The following PAPSS1 variants were observed in gnomAD, a reference collection of about 807,000 sequenced individuals.
The protein encoded by PAPSS1 is bifunctional 3'-phosphoadenosine 5'-phosphosulfate synthase 1.
A neutral mutation model predicts 72.0 loss-of-function variants in PAPSS1; 50 were observed. The observed-to-expected ratio is 0.69, with a 90% CI of 0.55 to 0.88. PAPSS1 has a LOEUF of 0.88. Among genes scored for constraint, PAPSS1 ranks in the 40% least tolerant of loss-of-function variants. The probability of loss-of-function intolerance (pLI) is 0.00; values close to 1 mark genes in which losing one functional copy is unlikely to be tolerated. For missense variants in PAPSS1, 657 were observed against 782.2 expected (o/e 0.84, Z 1.91); for synonymous variants, 261 against 263.6 (o/e 0.99, Z 0.09).
At chr4:107,627,283 T>C (rs1471434969) in intron 11 of PAPSS1, among the ~76,000 whole-genome samples, 2 of 152,222 alleles carry the variant, frequency 1.3e-5, no homozygotes, top group Admixed American at 6.5e-5. Flanking sequence ...TTTAAGCATT[T>C]AGCCATTAGC....
intron 1 of PAPSS1, among the ~76,000 whole-genome samples, chr4:107,708,120 A>G (rs1723387869): frequency 6.6e-6 from 1 of 152,212 alleles, no homozygotes; most frequent in Non-Finnish European, 1.5e-5. Context: ...TATTTACACA[A>G]TAATTATTAA....
At chr4:107,687,469 C>T (rs1293905812) in intron 3 of PAPSS1, among the ~76,000 whole-genome samples, 1 of 152,170 alleles carries the variant, frequency 6.6e-6, no homozygotes, top group African/African-American at 2.4e-5. Flanking sequence ...GATCCTGAGC[C>T]AAAGCCCAGC....
chr4:107,713,241 G>C (rs1723542663), intron 1 of PAPSS1, among the ~76,000 whole-genome samples: 2 of 152,102 alleles, frequency 1.3e-5, no homozygotes. Flanking sequence ...AAAAGCCATA[G>C]ATTATATAAT....
At chr4:107,682,441 C>T (rs1722653329) in intron 4 of PAPSS1, among the ~76,000 whole-genome samples, 1 of 152,104 alleles carries the variant, frequency 6.6e-6, no homozygotes, top group Non-Finnish European at 1.5e-5. Flanking sequence ...AAAGTGCTGC[C>T]TTGTTTATTT....
chr4:107,690,999 T>C (rs1236145427), intron 3 of PAPSS1, among the ~76,000 whole-genome samples: 1 of 152,156 alleles, frequency 6.6e-6, no homozygotes, highest in African/African-American at 2.4e-5. Flanking sequence ...GAACTCTAAC[T>C]CTTATTATGC....
At chr4:107,644,439 A>C (rs1319936097) in intron 10 of PAPSS1, among the ~76,000 whole-genome samples, 1 of 152,220 alleles carries the variant, frequency 6.6e-6, no homozygotes, top group Non-Finnish European at 1.5e-5. Flanking sequence ...ACAAAGACCT[A>C]GAACTCTGGT....
intron 9 of PAPSS1, among the ~76,000 whole-genome samples, chr4:107,650,772 A>C (rs1726818065): frequency 6.6e-6 from 1 of 152,206 alleles, no homozygotes; most frequent in Non-Finnish European, 1.5e-5. Flanking sequence ...TAAGGACAAA[A>C]GTTAGCATAT....
intron 6 of PAPSS1, among the ~76,000 whole-genome samples, chr4:107,657,538 A>G (rs2879782): frequency 1.4e-4 from 21 of 152,044 alleles, no homozygotes; most frequent in African/African-American, 4.6e-4. Context: ...CCTGGCCAAC[A>G]TGGTGAAACC....
intron 11 of PAPSS1, among the ~76,000 whole-genome samples, chr4:107,631,194 C>T (rs1560565818): frequency 1.3e-5 from 2 of 152,172 alleles, no homozygotes; most frequent in East Asian, 1.9e-4. Flanking sequence ...CCAAGCATTT[C>T]ATACAAGGGA....
At position 107,653,488 on chromosome 4, in the gene PAPSS1, T is replaced by G; in HGVS notation, c.1237+3A>C. The G allele has an allele frequency of 6.2e-7, 1 of 1,610,368 alleles. No individual in the cohort carries two copies. The highest frequency in any genetic ancestry group is 8.5e-7 in the Non-Finnish European group (1 of 1,178,508). ...ATATTAGGTAATTAAATCCATGTCT[T>G]ACCAGCATTCATATCTTTAAATTTC... On this transcript the variant is annotated splice_donor_region_variant and intron_variant, in intron 9 of 11. Transcript: ENST00000265174.
chr4:107,692,749 C>T (rs11945805), intron 3 of PAPSS1, among the ~76,000 whole-genome samples: 19,306 of 150,836 alleles, frequency 0.13, 1,411 homozygotes, highest in South Asian at 0.3. Context: ...TGCCCATCAA[C>T]GATAGACTGG....
chr4:107,680,212 G>C (rs1254564413), intron 5 of PAPSS1, among the ~76,000 whole-genome samples: 1 of 151,936 alleles, frequency 6.6e-6, no homozygotes, highest in African/African-American at 2.4e-5. Flanking sequence ...CAAGCAGGTT[G>C]GGGAATTCTA....
chr4:107,639,175 T>A (rs1726470230), intron 10 of PAPSS1, among the ~76,000 whole-genome samples: 1 of 151,360 alleles, frequency 6.6e-6, no homozygotes, highest in Admixed American at 6.6e-5. Flanking sequence ...AGAAAAAAAA[T>A]GACATTTTTT....
At chr4:107,702,824 G>A (rs1172696787) in intron 1 of PAPSS1, among the ~76,000 whole-genome samples, 1 of 152,122 alleles carries the variant, frequency 6.6e-6, no homozygotes, top group Non-Finnish European at 1.5e-5. Flanking sequence ...ACATGAGAAT[G>A]CCAATATCTA....
At chr4:107,634,863 T>C (rs554095668) in intron 10 of PAPSS1, among the ~76,000 whole-genome samples, 3 of 144,766 alleles carry the variant, frequency 2.1e-5, no homozygotes, top group South Asian at 4.4e-4. Context: ...GCAGTGACGA[T>C]CTCGGCTCAG....
intron 1 of PAPSS1, among the ~76,000 whole-genome samples, chr4:107,710,020 C>G (rs933231585): frequency 5.9e-5 from 9 of 152,186 alleles, no homozygotes; most frequent in Admixed American, 5.9e-4. Context: ...TTTTTAGACT[C>G]CACAGCCACT....
intron 10 of PAPSS1, among the ~76,000 whole-genome samples, chr4:107,635,488 G>T (rs1300089076): frequency 6.6e-6 from 1 of 152,122 alleles, no homozygotes; most frequent in African/African-American, 2.4e-5. Flanking sequence ...CATCCAACAT[G>T]TCAATTCAAT....
intron 11 of PAPSS1, among the ~76,000 whole-genome samples, chr4:107,619,989 C>T (rs891053713): frequency 2.0e-5 from 3 of 152,244 alleles, no homozygotes; most frequent in African/African-American, 7.2e-5. Flanking sequence ...CTCTCGGCCA[C>T]TTGTTGAAGA....
At chr4:107,616,611 A>C (rs1175127003) in intron 11 of PAPSS1, among the ~76,000 whole-genome samples, 1 of 152,160 alleles carries the variant, frequency 6.6e-6, no homozygotes, top group Non-Finnish European at 1.5e-5. Context: ...GACCTTAATA[A>C]GTGACTTTAT....
Sources: gnomAD v4.1 joint callset for allele counts (sites outside exome capture counted in the v4.1 genomes callset) on GRCh38, gnomAD v4.1.1 for gene constraint, MANE v1.5 for transcripts, NCBI Gene and HGNC (gene_info 2026-07-23, HGNC 2026-07-21) for gene names.